Variants in ACTR3C observed in about 807,000 individuals in gnomAD.
The protein encoded by ACTR3C is actin related protein 3C.
Under a neutral mutation model 26.3 loss-of-function variants are expected in ACTR3C, and 18 were observed. That is an observed-to-expected ratio of 0.68 (90% CI 0.47 to 1.01). The LOEUF is 1.01. ACTR3C is among the 50% of genes least tolerant of loss of function. The pLI is 0.00. For missense variants in ACTR3C, 184 were observed against 250.7 expected (o/e 0.73, Z 1.80); for synonymous variants, 55 against 94.5 (o/e 0.58, Z 2.42).
the ACTR3C span, among the ~76,000 whole-genome samples, chr7:149,985,606 C>T: frequency 1.3e-5 from 2 of 152,246 alleles, no homozygotes; most frequent in African/African-American, 2.4e-5. Flanking sequence ...TGCTACTGAA[C>T]ACGTGCTCTC....
the ACTR3C span, among the ~76,000 whole-genome samples, chr7:150,039,382 CTAA>C: frequency 4.1e-5 from 4 of 97,212 alleles, no homozygotes; most frequent in East Asian, 3.9e-4. Flanking sequence ...GATGGGGGTC[CTAA>C]GAACCCGGGG....
At chr7:149,988,099 T>C in the ACTR3C span, among the ~76,000 whole-genome samples, 11 of 152,238 alleles carry the variant, frequency 7.2e-5, no homozygotes, top group Admixed American at 7.2e-4. Flanking sequence ...AGAACGTGTC[T>C]GCCCCAGTGG....
the ACTR3C span, among the ~76,000 whole-genome samples, chr7:150,046,103 G>A: frequency 1.1e-4 from 17 of 152,260 alleles, no homozygotes; most frequent in African/African-American, 4.1e-4. Context: ...TTGAACCAGG[G>A]GAGTCTGGAA....
the ACTR3C span, among the ~76,000 whole-genome samples, chr7:150,108,521 A>G: frequency 2.0e-5 from 3 of 150,518 alleles, no homozygotes; most frequent in Non-Finnish European, 4.5e-5. Flanking sequence ...GTGCCCCCCA[A>G]AATTTATGTG....
intron 3 of ACTR3C, among the ~76,000 whole-genome samples, 197 bp from the exon 4 acceptor site, chr7:150,289,790 C>A (rs1191661224): frequency 6.6e-6 from 1 of 152,178 alleles, no homozygotes; most frequent in Non-Finnish European, 1.5e-5. Context: ...CATTAATATT[C>A]AAAATTCCAG....
chr7:150,139,156 A>G, the ACTR3C span, among the ~76,000 whole-genome samples: 1 of 152,134 alleles, frequency 6.6e-6, no homozygotes, highest in East Asian at 1.9e-4. Context: ...CGGTCCATGG[A>G]AAAATTGTCT....
At chr7:150,295,200 C>A in intron 2 of ACTR3C, 52 bp downstream of exon 2, 1 of 1,593,498 alleles carries the variant, frequency 6.3e-7, no homozygotes, top group African/African-American at 1.3e-5. Context: ...CCATTTCTTC[C>A]GCTACTAGAC....
the ACTR3C span, among the ~76,000 whole-genome samples, chr7:149,971,887 C>T: frequency 6.6e-6 from 1 of 152,210 alleles, no homozygotes; most frequent in African/African-American, 2.4e-5. Context: ...GCTGTTGGAA[C>T]GTCATCTTTT....
the ACTR3C span, among the ~76,000 whole-genome samples, chr7:150,134,291 CAGG>C: frequency 1.3e-5 from 2 of 149,700 alleles, no homozygotes; most frequent in Middle Eastern, 3.3e-3. Flanking sequence ...TTCTCTGGAG[CAGG>C]AGGAGAGGAA....
chr7:149,923,449 G>A, the ACTR3C span, among the ~76,000 whole-genome samples: 10 of 152,256 alleles, frequency 6.6e-5, no homozygotes, highest in Non-Finnish European at 1.3e-4. Context: ...ACAAGGAGAA[G>A]CAAGCAGGGA....
chr7:149,972,098 G>A, the ACTR3C span, among the ~76,000 whole-genome samples: 1 of 152,172 alleles, frequency 6.6e-6, no homozygotes, highest in African/African-American at 2.4e-5. Context: ...TTTCCTCAGA[G>A]CTGACGTTGC....
chr7:150,105,821 T>G, the ACTR3C span, among the ~76,000 whole-genome samples: 1 of 152,052 alleles, frequency 6.6e-6, no homozygotes, highest in Admixed American at 6.6e-5. Flanking sequence ...AAGCATCTTC[T>G]AAAACCAGTT....
At chr7:150,090,360 C>T in the ACTR3C span, among the ~76,000 whole-genome samples, 2 of 152,234 alleles carry the variant, frequency 1.3e-5, no homozygotes, top group Non-Finnish European at 2.9e-5. Flanking sequence ...AAAATGTCCT[C>T]ATGATAGCTC....
the ACTR3C span, among the ~76,000 whole-genome samples, chr7:149,889,002 C>G: frequency 6.6e-6 from 1 of 150,648 alleles, no homozygotes; most frequent in Non-Finnish European, 1.5e-5. Context: ...GAGTGAAACT[C>G]CACCTGAAAA....
At chr7:149,943,747 A>G in the ACTR3C span, among the ~76,000 whole-genome samples, 1 of 150,404 alleles carries the variant, frequency 6.6e-6, no homozygotes, top group Admixed American at 6.6e-5. Context: ...CCTCTTGTAT[A>G]AGCGGCAGGG....
chr7:150,232,398 T>A, the ACTR3C span, among the ~76,000 whole-genome samples: 2 of 152,134 alleles, frequency 1.3e-5, no homozygotes, highest in African/African-American at 4.8e-5. Flanking sequence ...TCCACCATAT[T>A]TAAACTGTTT....
the ACTR3C span, among the ~76,000 whole-genome samples, chr7:150,199,952 A>G: frequency 1.3e-5 from 2 of 152,202 alleles, no homozygotes; most frequent in Non-Finnish European, 2.9e-5. Context: ...TGTGGACACC[A>G]TGATCTCATG....
chr7:150,137,327 T>C, the ACTR3C span, among the ~76,000 whole-genome samples: 3 of 152,308 alleles, frequency 2.0e-5, no homozygotes, highest in African/African-American at 7.2e-5. Flanking sequence ...TTTACTTTGG[T>C]GCTTCCTTCC....
At chr7:150,035,567 G>A in the ACTR3C span, among the ~76,000 whole-genome samples, 168 of 130,512 alleles carry the variant, frequency 1.3e-3, no homozygotes, top group Non-Finnish European at 2.1e-3. Flanking sequence ...CGCAGAGCCG[G>A]GGGGGAAGAG....
Sources: allele counts gnomAD v4.1 joint callset (sites outside exome capture counted in the v4.1 genomes callset), GRCh38; gene constraint gnomAD v4.1.1; transcripts MANE v1.5; gene names NCBI Gene and HGNC (gene_info 2026-07-23, HGNC 2026-07-21).